PHKB: variants seen among roughly 807,000 people sequenced by gnomAD.
PHKB encodes the protein phosphorylase kinase regulatory subunit beta, also known as phosphorylase b kinase regulatory subunit beta.
A neutral mutation model predicts 152.1 loss-of-function variants in PHKB; 122 were observed. The observed-to-expected ratio is 0.80, with a 90% CI of 0.69 to 0.93. PHKB has a LOEUF of 0.93. Among genes scored for constraint, PHKB ranks in the 40% least tolerant of loss-of-function variants. PHKB has a pLI of 0.00. For synonymous variants in PHKB, 436 were observed against 464.9 expected, an observed-to-expected ratio of 0.94 and a Z score of 0.80; for missense variants, 1,304 against 1,328.4, an observed-to-expected ratio of 0.98 and a Z score of 0.29.
chr16:47,636,894 G>T (rs1387296766), intron 14 of PHKB, among the ~76,000 whole-genome samples: 1 of 152,186 alleles, frequency 6.6e-6, no homozygotes, highest in Admixed American at 6.5e-5. Context: ...CCCCTGGGTG[G>T]AGTCTGCAGC....
chr16:47,580,451 G>C, intron 8 of PHKB, 93 bp downstream of exon 8: 1 of 908,802 alleles, frequency 1.1e-6, no homozygotes, highest in South Asian at 1.4e-5. Flanking sequence ...CTTATAATCA[G>C]AGAATGTCCA....
chr16:47,693,920 C>T (rs1035431677), intron 28 of PHKB, among the ~76,000 whole-genome samples: 4 of 152,184 alleles, frequency 2.6e-5, no homozygotes, highest in Admixed American at 2.0e-4. Context: ...ATTGGCTTTA[C>T]TTTAAGTGTG....
intron 1 of PHKB, among the ~76,000 whole-genome samples, chr16:47,486,189 G>T (rs1030527311): frequency 6.6e-6 from 1 of 152,086 alleles, no homozygotes; most frequent in Non-Finnish European, 1.5e-5. Flanking sequence ...AGTGATTAAG[G>T]TTGCAGAAGA....
chr16:47,635,502 C>T (rs933390172), intron 14 of PHKB, among the ~76,000 whole-genome samples: 1 of 151,914 alleles, frequency 6.6e-6, no homozygotes, highest in African/African-American at 2.4e-5. Context: ...ATTTTTTGGC[C>T]AGAGCAAATG....
intron 13 of PHKB, 141 bp downstream of exon 13, chr16:47,596,672 A>G (rs1972125986): frequency 1.4e-6 from 1 of 724,278 alleles, no homozygotes; most frequent in Non-Finnish European, 2.4e-6. Context: ...CCTAGTATCT[A>G]GTGGTATATT....
At chr16:47,503,597 G>A (rs1325775702) in intron 4 of PHKB, among the ~76,000 whole-genome samples, 4 of 152,122 alleles carry the variant, frequency 2.6e-5, no homozygotes, top group Non-Finnish European at 5.9e-5. Flanking sequence ...TTGGGAGGCC[G>A]AAGTGGGTGG....
chr16:47,604,399 T>C (rs1468754664), intron 13 of PHKB, among the ~76,000 whole-genome samples: 6 of 152,184 alleles, frequency 3.9e-5, no homozygotes, highest in Non-Finnish European at 8.8e-5. Flanking sequence ...AAGTCCATCC[T>C]TGTTAATCAG....
At chr16:47,522,196 G>C (rs1280974029) in intron 6 of PHKB, among the ~76,000 whole-genome samples, 1 of 151,834 alleles carries the variant, frequency 6.6e-6, no homozygotes, top group Admixed American at 6.6e-5. Flanking sequence ...GCTGGGTCTG[G>C]GATTTTCTTT....
At chr16:47,549,898 AT>A (rs199688366) in intron 7 of PHKB, among the ~76,000 whole-genome samples, 7 of 150,980 alleles carry the variant, frequency 4.6e-5, no homozygotes, top group South Asian at 2.1e-4. Flanking sequence ...TCATTATGTG[AT>A]TTTTTTTTGC....
At chr16:47,480,715 A>G (rs990805487) in intron 1 of PHKB, among the ~76,000 whole-genome samples, 1 of 152,220 alleles carries the variant, frequency 6.6e-6, no homozygotes, top group Non-Finnish European at 1.5e-5. Flanking sequence ...TTGCTGCAAT[A>G]AAATTCTTAT....
intron 26 of PHKB, among the ~76,000 whole-genome samples, chr16:47,673,452 A>C (rs981980455): frequency 1.3e-5 from 2 of 152,188 alleles, no homozygotes; most frequent in African/African-American, 4.8e-5. Context: ...TAATTAAATC[A>C]TGTCCTTCAG....
At chr16:47,579,069 A>G (rs528215980) in intron 7 of PHKB, among the ~76,000 whole-genome samples, 1 of 152,160 alleles carries the variant, frequency 6.6e-6, no homozygotes, top group South Asian at 2.1e-4. Flanking sequence ...TGAAGTTCAT[A>G]GCTAGACTGC....
At chr16:47,594,645 T>C (rs1379004825) in intron 12 of PHKB, among the ~76,000 whole-genome samples, 1 of 152,154 alleles carries the variant, frequency 6.6e-6, no homozygotes, top group African/African-American at 2.4e-5. Context: ...GTCCTTAGCA[T>C]TGTATTTTGA....
chr16:47,590,293 T>G (rs1413759329), intron 10 of PHKB: 1 of 151,644 alleles, frequency 6.6e-6, no homozygotes, highest in Non-Finnish European at 1.5e-5. Context: ...TTTTTTTTTT[T>G]TTTTTTAATA....
At position 47,461,532 on chromosome 16, in the gene PHKB, C is replaced by T; in HGVS notation, c.76+106C>T. The T allele has an allele frequency of 3.5e-6, 4 of 1,128,092 alleles. No individual in the cohort carries two copies. The South Asian group carries it at 3.8e-5, about 11-fold the overall frequency. The allele number at this position is 1,128,092 out of a possible 1,614,324, so 69.9% of individuals were successfully genotyped here. ...GGGGGCCCTGGGAATGAACCTGTGC[C>T]CCGAGTTCCTCCTTAGAAAGCAGGT... is the stretch of plus-strand genomic sequence containing the variant. On this transcript the variant is annotated intron_variant, in intron 1 of 30. Coordinates refer to ENST00000323584, the MANE Select transcript of PHKB (RefSeq NM_000293.3).
chr16:47,508,267 C>T (rs1210374018), intron 4 of PHKB, among the ~76,000 whole-genome samples: 1 of 152,122 alleles, frequency 6.6e-6, no homozygotes, highest in African/African-American at 2.4e-5. Flanking sequence ...TTATTAATGT[C>T]AGCTATGTTT....
At chr16:47,475,279 T>G (rs1969849263) in intron 1 of PHKB, among the ~76,000 whole-genome samples, 1 of 152,228 alleles carries the variant, frequency 6.6e-6, no homozygotes, top group Admixed American at 6.5e-5. Flanking sequence ...TGTTTTGATA[T>G]AAGTGTTTGC....
chr16:47,693,570 T>C, intron 28 of PHKB, 63 bp downstream of exon 28: 1 of 1,527,778 alleles, frequency 6.5e-7, no homozygotes, highest in South Asian at 1.1e-5. Context: ...AATCCTTTCC[T>C]CTTGCACTGC....
Position 47,640,698 on chromosome 16 carries a change from C to T in PHKB, c.1459-337C>T, listed in dbSNP as rs528905722. Among the ~76,000 whole-genome samples the T allele has an allele frequency of 2.0e-5, 3 of 151,870 alleles. No homozygotes were observed. In the East Asian group the frequency reaches 5.8e-4, roughly 29 times the overall value. ...ATAAATTGGGTTTTTATTTTTAGTT[C>T]CTCCTCTTCCCTTTAGAGTTAAATG... On this transcript the variant is annotated intron_variant, in intron 14 of 30. Transcript: ENST00000323584.
Sources: allele counts gnomAD v4.1 joint callset (sites outside exome capture counted in the v4.1 genomes callset), GRCh38; gene constraint gnomAD v4.1.1; transcripts MANE v1.5; gene names NCBI Gene and HGNC (gene_info 2026-07-23, HGNC 2026-07-21).